Variants in UGT1A8 observed in about 807,000 individuals in gnomAD.
The protein encoded by UGT1A8 is UDP glucuronosyltransferase family 1 member A8.
A neutral mutation model predicts 45.3 loss-of-function variants in UGT1A8; 39 were observed. The ratio of observed to expected loss-of-function variants is 0.86; its 90% CI spans 0.67 to 1.12. The LOEUF (loss-of-function observed/expected upper bound fraction) is 1.12. Ranked by LOEUF, UGT1A8 falls within the 50% of genes most tolerant of loss-of-function variation. The pLI is 0.00. For missense variants in UGT1A8, 719 were observed against 664.9 expected, an observed-to-expected ratio of 1.08 and a Z score of -0.90; for synonymous variants, 275 against 249.2, an observed-to-expected ratio of 1.10 and a Z score of -0.97.
At chr2:233,745,689 T>C (rs1218366980) in intron 1 of UGT1A8, among the ~76,000 whole-genome samples, 4 of 149,704 alleles carry the variant, frequency 2.7e-5, no homozygotes, top group African/African-American at 1.0e-4. Flanking sequence ...CAAAGCAAGT[T>C]TGGAGAACAA....
chr2:233,666,850 C>T (rs1193820595), intron 1 of UGT1A8, among the ~76,000 whole-genome samples: 1 of 148,848 alleles, frequency 6.7e-6, no homozygotes, highest in African/African-American at 2.5e-5. Context: ...CTTCCTGTGT[C>T]CATGTGTTCT....
chr2:233,629,281 A>G (rs1303091715), intron 1 of UGT1A8, among the ~76,000 whole-genome samples: 1 of 152,162 alleles, frequency 6.6e-6, no homozygotes, highest in African/African-American at 2.4e-5. Context: ...TCATGTTAGC[A>G]TATGTCAGAA....
At chr2:233,726,457 C>G (rs1196256616) in intron 1 of UGT1A8, among the ~76,000 whole-genome samples, 2 of 152,164 alleles carry the variant, frequency 1.3e-5, no homozygotes, top group Admixed American at 1.3e-4. Context: ...TGAATGTAAG[C>G]TCATTTCTTT....
At chr2:233,764,883 A>C (rs1698677013) in intron 1 of UGT1A8, among the ~76,000 whole-genome samples, 1 of 152,176 alleles carries the variant, frequency 6.6e-6, no homozygotes, top group Non-Finnish European at 1.5e-5. Context: ...GGGAAAAGGC[A>C]AAGACAAAGC....
chr2:233,632,956 T>C (rs927478975), intron 1 of UGT1A8, among the ~76,000 whole-genome samples: 2 of 152,226 alleles, frequency 1.3e-5, no homozygotes, highest in Non-Finnish European at 2.9e-5. Context: ...CAGTATGATA[T>C]TGGCTGTCGG....
chr2:233,748,016 G>A (rs1039251990), intron 1 of UGT1A8: 59 of 1,613,480 alleles, frequency 3.7e-5, no homozygotes, highest in Middle Eastern at 1.7e-4. Flanking sequence ...ACCCCAGGCC[G>A]ATCATGCCCA....
chr2:233,639,977 T>G (rs1362209960), intron 1 of UGT1A8, among the ~76,000 whole-genome samples: 1 of 152,172 alleles, frequency 6.6e-6, no homozygotes, highest in East Asian at 1.9e-4. Flanking sequence ...TGATGACTGG[T>G]TTTAGGGGAA....
At chr2:233,731,985 C>T (rs770013724) in intron 1 of UGT1A8, among the ~76,000 whole-genome samples, 2 of 152,098 alleles carry the variant, frequency 1.3e-5, no homozygotes, top group Admixed American at 6.6e-5. Flanking sequence ...TTCTAACTGG[C>T]GTGAGATGGT....
At chr2:233,621,722 A>G (rs1273787437) in intron 1 of UGT1A8, among the ~76,000 whole-genome samples, 1 of 152,076 alleles carries the variant, frequency 6.6e-6, no homozygotes, top group East Asian at 1.9e-4. Context: ...TTAAAGAGAA[A>G]TTTGTGTCAA....
chr2:233,693,595 A>G (rs200043339), intron 1 of UGT1A8: 17 of 1,614,104 alleles, frequency 1.1e-5, no homozygotes, highest in Non-Finnish European at 1.4e-5. Flanking sequence ...GGTGCTACAC[A>G]AAGTTTTCAG....
intron 1 of UGT1A8, among the ~76,000 whole-genome samples, chr2:233,635,368 T>A (rs991048335): frequency 1.3e-5 from 2 of 150,890 alleles, no homozygotes; most frequent in Admixed American, 6.7e-5. Flanking sequence ...GCTGGGGAAG[T>A]TCTCCTGAAT....
chr2:233,705,088 A>G (rs1036319858), intron 1 of UGT1A8, among the ~76,000 whole-genome samples: 1 of 151,886 alleles, frequency 6.6e-6, no homozygotes, highest in Non-Finnish European at 1.5e-5. Flanking sequence ...GAGAGCCAAG[A>G]TCGTGCCATT....
rs45554333 is a variant in UGT1A8, at chr2:233,672,932, C to A, written c.855+54370C>A. ...TTTAACAAATTATTTTGTGCCAATG[C>A]GTGTACTCGTCAGTAGCAAATTTTA... On this transcript the variant is annotated intron_variant, in intron 1 of 4. Coordinates refer to ENST00000373450, the MANE Select transcript of UGT1A8 (RefSeq NM_019076.5). 515 of 1,450,554 alleles carry A rather than the reference C, an allele frequency of 3.6e-4. 1 individual carries two copies. Among genetic ancestry groups the A allele is most frequent in the Non-Finnish European group, 4.4e-4 (476 of 1,093,898 alleles). The allele number at this position is 1,450,554 out of a possible 1,614,324, so 89.9% of individuals were successfully genotyped here.
intron 1 of UGT1A8, among the ~76,000 whole-genome samples, chr2:233,649,723 A>G (rs558934369): frequency 6.6e-6 from 1 of 152,326 alleles, no homozygotes; most frequent in Non-Finnish European, 1.5e-5. Flanking sequence ...TAACTTCTTC[A>G]AAACAACAAT....
rs537688236 is a variant in UGT1A8, at chr2:233,769,340, T to A, written c.1295+901T>A. On this transcript the variant is annotated intron_variant, in intron 4 of 4. Coordinates refer to ENST00000373450, the MANE Select transcript of UGT1A8 (RefSeq NM_019076.5). This position sits in a 1 kb window ranked among gnomAD's most constrained non-coding sequence, Gnocchi z 4.4. ...CACTGGTAATAGGCTTATTAGAACC[T>A]TATGGGAAGAAGTGGTGGCCAGTGG... Among the ~76,000 whole-genome samples the A allele has an allele frequency of 9.2e-5, 14 of 152,346 alleles. No individual in the cohort carries two copies. The highest frequency in any genetic ancestry group is 3.4e-4 in the African/African-American group (14 of 41,584).
At chr2:233,724,602 G>A (rs1229954806) in intron 1 of UGT1A8, among the ~76,000 whole-genome samples, 3 of 135,486 alleles carry the variant, frequency 2.2e-5, no homozygotes, top group Admixed American at 7.3e-5. Flanking sequence ...CAGACGATGG[G>A]CGGCCGGGCA....
chr2:233,719,580 G>A (rs369777528), intron 1 of UGT1A8: 53 of 1,613,798 alleles, frequency 3.3e-5, no homozygotes, highest in East Asian at 4.5e-5. Flanking sequence ...CTATGCATCC[G>A]TGTGGCTGTT....
chr2:233,674,661 T>C (rs186446222), intron 1 of UGT1A8, among the ~76,000 whole-genome samples: 1 of 152,186 alleles, frequency 6.6e-6, no homozygotes, highest in African/African-American at 2.4e-5. Flanking sequence ...TTATGAGATA[T>C]GAAATAAATG....
At chr2:233,676,590 A>C (rs1030669770) in intron 1 of UGT1A8, among the ~76,000 whole-genome samples, 1 of 152,164 alleles carries the variant, frequency 6.6e-6, no homozygotes, top group Non-Finnish European at 1.5e-5. Context: ...AAATGTAGTC[A>C]TCATGTCTCC....
Sources: gnomAD v4.1 joint callset for allele counts (sites outside exome capture counted in the v4.1 genomes callset) on GRCh38, gnomAD v4.1.1 for gene constraint, Gnocchi (gnomAD v3.1) non-coding constraint, MANE v1.5 for transcripts, NCBI Gene and HGNC (gene_info 2026-07-23, HGNC 2026-07-21) for gene names.